PCDHGB6: variants seen among roughly 807,000 people sequenced by gnomAD.
PCDHGB6 encodes the protein protocadherin gamma subfamily B, 6, also known as protocadherin gamma-B6.
PCDHGB6 carries 51 observed loss-of-function variants against 59.1 expected under a neutral mutation model. The ratio of observed to expected loss-of-function variants is 0.86; its 90% confidence interval spans 0.69 to 1.09. The LOEUF (loss-of-function observed/expected upper bound fraction) is 1.09, where lower values mean the gene tolerates loss of function less well. Among genes scored for constraint, PCDHGB6 ranks in the 50% least tolerant of loss-of-function variants. The pLI is 0.00. For missense variants in PCDHGB6, 1,148 were observed against 1,205.1 expected, an observed-to-expected ratio of 0.95 and a Z score of 0.70; for synonymous variants, 466 against 495.1, an observed-to-expected ratio of 0.94 and a Z score of 0.78.
At chr5:141,413,316 T>C (rs769316460) in intron 1 of PCDHGB6, 13 of 1,613,976 alleles carry the variant, frequency 8.1e-6, no homozygotes, top group Non-Finnish European at 1.1e-5. Flanking sequence ...AGAAAGGCTC[T>C]TTCGTGGGCA....
At chr5:141,499,908 G>A (rs903753761) in intron 2 of PCDHGB6, among the ~76,000 whole-genome samples, 2 of 151,980 alleles carry the variant, frequency 1.3e-5, no homozygotes, top group African/African-American at 2.4e-5. Flanking sequence ...GGCTGGTCTT[G>A]AACTCCTGGC....
At chr5:141,478,443 C>T (rs2099456258) in intron 1 of PCDHGB6, 3 of 1,613,494 alleles carry the variant, frequency 1.9e-6, no homozygotes, top group Admixed American at 1.7e-5. Flanking sequence ...CTGAAGAAAC[C>T]TGGTGCAGCC....
intron 2 of PCDHGB6, among the ~76,000 whole-genome samples, chr5:141,497,642 C>T (rs1426920174): frequency 1.3e-5 from 2 of 151,352 alleles, no homozygotes; most frequent in Middle Eastern, 3.4e-3. Context: ...CAGGTTCAAG[C>T]GATTCTCCTG....
In PCDHGB6 at chr5:141,490,861, T is replaced by C. The variant is rs1465042036; in HGVS notation, c.2419-3946T>C. The C allele has an allele frequency of 1.2e-6, 2 of 1,613,816 alleles. No individual in the cohort carries two copies. Among genetic ancestry groups the C allele is most frequent in the Non-Finnish European group, 1.7e-6 (2 of 1,179,920 alleles). On this transcript the variant is annotated intron_variant, in intron 1 of 3. Coordinates refer to ENST00000520790, the MANE Select transcript of PCDHGB6 (RefSeq NM_018926.3). The surrounding 1 kb of genome is among the most constrained non-coding windows in gnomAD (Gnocchi z 5.4). Reference sequence around the variant, plus strand: ...TGTGGTGGGGGTTCGAGACTCCGGCTCTCCCCCATTGCATGCCAACACATC... The same window carrying C: ...TGTGGTGGGGGTTCGAGACTCCGGCCCTCCCCCATTGCATGCCAACACATC...
chr5:141,426,542 T>C, intron 1 of PCDHGB6: 1 of 347,918 alleles, frequency 2.9e-6, no homozygotes, highest in South Asian at 2.2e-5. Context: ...AACATACTTG[T>C]GAGTGACAGA....
intron 1 of PCDHGB6, chr5:141,471,166 C>T (rs1427053969): frequency 2.0e-5 from 3 of 150,492 alleles, no homozygotes; most frequent in Non-Finnish European, 2.9e-5. Context: ...TCTCCTGGCT[C>T]AGCCTCCCTA....
chr5:141,499,689 CTTTTTTTTTTTT>C (rs545067566), intron 2 of PCDHGB6, among the ~76,000 whole-genome samples: 1 of 119,856 alleles, frequency 8.3e-6, no homozygotes, highest in Non-Finnish European at 1.7e-5. Flanking sequence ...TAACAGATGA[CTTTTTTTTTTTT>C]TTTTTTTTTT....
At chr5:141,423,384 C>T in intron 1 of PCDHGB6, 1 of 1,614,172 alleles carries the variant, frequency 6.2e-7, no homozygotes. Flanking sequence ...GGCTGTGGCG[C>T]TGGCATAAGT....
At chr5:141,424,540 T>G (rs944656560) in intron 1 of PCDHGB6, 1 of 152,244 alleles carries the variant, frequency 6.6e-6, no homozygotes, top group Admixed American at 6.5e-5. Flanking sequence ...TAGAAATAAC[T>G]TGATTTTGAT....
chr5:141,432,600 C>T lies in PCDHGB6; in HGVS notation c.2418+21980C>T, dbSNP rs901310090. The T allele has an allele frequency of 1.9e-6, 3 of 1,613,832 alleles. No individual in the cohort carries two copies. The East Asian group carries it at 6.7e-5, about 36-fold the overall frequency. ...TACCGTCTGCTCAAGGCCAGCGAGCCGGGACTCTTCTCGGTGGGTCTGCAC... is the reference window on the plus strand; with the variant it reads ...TACCGTCTGCTCAAGGCCAGCGAGCTGGGACTCTTCTCGGTGGGTCTGCAC... On this transcript the variant is annotated intron_variant, in intron 1 of 3. Transcript: ENST00000520790. The surrounding 1 kb of genome is among the most constrained non-coding windows in gnomAD (Gnocchi z 6.0).
chr5:141,414,429 G>A (rs1372056104), intron 1 of PCDHGB6: 1 of 1,613,860 alleles, frequency 6.2e-7, no homozygotes, highest in Non-Finnish European at 8.5e-7. Flanking sequence ...ACAGGGAACA[G>A]GTATCCTCTT....
chr5:141,413,470 C>T (rs748662580), intron 1 of PCDHGB6: 17 of 1,614,110 alleles, frequency 1.1e-5, no homozygotes, highest in Non-Finnish European at 1.4e-5. Flanking sequence ...CCGGGAGGAG[C>T]TCTGCGCTCA....
chr5:141,446,173 G>A (rs2098491860), intron 1 of PCDHGB6, among the ~76,000 whole-genome samples: 1 of 152,076 alleles, frequency 6.6e-6, no homozygotes, highest in East Asian at 1.9e-4. Context: ...TGAGGGCAGG[G>A]GGTGTTTTGT....
intron 1 of PCDHGB6, among the ~76,000 whole-genome samples, chr5:141,468,830 C>T (rs561511870): frequency 2.0e-5 from 3 of 152,170 alleles, no homozygotes; most frequent in East Asian, 1.9e-4. Flanking sequence ...CAAGCCACTG[C>T]ACTCCAGCCT....
rs753202774 is a variant in PCDHGB6, at chr5:141,487,875, C to A, written c.2419-6932C>A. 33 of 828,628 alleles carry A rather than the reference C, an allele frequency of 4.0e-5. No individual in the cohort carries two copies. Among genetic ancestry groups the A allele is most frequent in the Non-Finnish European group, 5.8e-5 (31 of 536,030 alleles). The allele number at this position is 828,628 out of a possible 1,614,324, so 51.3% of individuals were successfully genotyped here. A position where few individuals can be genotyped will look rare whatever the true frequency, so the allele number is the denominator to read the frequency against. The stretch of plus-strand genomic sequence containing the variant: ...AAGTAATTGGTGATCAAGAGCCAGG[C>A]TGTTGTGGAAGCATGATGATGGAAT... On this transcript the variant is annotated intron_variant, in intron 1 of 3. Coordinates refer to ENST00000520790, the MANE Select transcript of PCDHGB6 (RefSeq NM_018926.3). The surrounding 1 kb of genome is among the most constrained non-coding windows in gnomAD (Gnocchi z 5.0).
chr5:141,450,183 A>G (rs1461369835), intron 1 of PCDHGB6, among the ~76,000 whole-genome samples: 1 of 151,558 alleles, frequency 6.6e-6, no homozygotes, highest in Non-Finnish European at 1.5e-5. Context: ...ACACCCAGCT[A>G]ATTTTTGTAT....
chr5:141,441,623 C>T (rs530409184), intron 1 of PCDHGB6: 2 of 224,422 alleles, frequency 8.9e-6, no homozygotes, highest in Non-Finnish European at 1.8e-5. Flanking sequence ...TGGCCAGTGA[C>T]CTGGAGCCAC....
In PCDHGB6 at chr5:141,410,110, C is replaced by G. The variant is rs1361292941; in HGVS notation, c.1908C>G (p.Asp636Glu). The G allele has an allele frequency of 6.8e-6, 11 of 1,612,422 alleles. No homozygotes were observed. In the African/African-American group the frequency reaches 1.3e-4, roughly 20 times the overall value. ...CGGCTCGAGCCTTAGGCGACAGGGA[C>G]GCAGCCCGCCAGCGCCTGCTGGTCG... is the stretch of plus-strand genomic sequence containing the variant. Reference protein sequence around the residue: ...VRTARALGDRDAARQRLLVAV... With the variant: ...VRTARALGDREAARQRLLVAV... The change falls in exon 1 of 4, where the codon GAC becomes GAG. Residue 636 changes from aspartate (D) to glutamate (E), a missense_variant. Physicochemically the swap from Asp to Glu is conservative, Grantham distance 45. Coordinates refer to ENST00000520790, the MANE Select transcript of PCDHGB6 (RefSeq NM_018926.3).
chr5:141,434,714 G>A (rs1333237898), intron 1 of PCDHGB6, among the ~76,000 whole-genome samples: 1 of 151,564 alleles, frequency 6.6e-6, no homozygotes, highest in Non-Finnish European at 1.5e-5. Context: ...GTAAATCTCT[G>A]TTCAGGGCTC....
Sources: allele counts gnomAD v4.1 joint callset (sites outside exome capture counted in the v4.1 genomes callset), GRCh38; gene constraint gnomAD v4.1.1; non-coding constraint Gnocchi (gnomAD v3.1); transcripts MANE v1.5; gene names NCBI Gene and HGNC (gene_info 2026-07-23, HGNC 2026-07-21).